The following PTGER3 variants were observed in gnomAD, a reference collection of about 807,000 sequenced individuals.
PTGER3 encodes prostaglandin E2 receptor EP3 subtype.
Under a neutral mutation model 34.7 loss-of-function variants are expected in PTGER3, and 22 were observed. The observed-to-expected ratio is 0.63, with a 90% confidence interval of 0.45 to 0.91. The LOEUF is 0.91. Ranked by LOEUF, PTGER3 falls within the 40% of genes least tolerant of loss-of-function variation. PTGER3 has a pLI of 0.00. For missense variants in PTGER3, 468 were observed against 519.4 expected, an observed-to-expected ratio of 0.90 and a Z score of 0.96; for synonymous variants, 241 against 230.1, an observed-to-expected ratio of 1.05 and a Z score of -0.43.
intron 4 of PTGER3, among the ~76,000 whole-genome samples, chr1:70,910,198 C>T (rs1022956371): frequency 4.6e-5 from 7 of 152,220 alleles, no homozygotes; most frequent in Admixed American, 4.6e-4. Context: ...CAGTTTTACT[C>T]CAAAAGAAAA....
At chr1:70,940,145 G>A (rs1466119663) in intron 4 of PTGER3, among the ~76,000 whole-genome samples, 1 of 152,054 alleles carries the variant, frequency 6.6e-6, no homozygotes, top group Non-Finnish European at 1.5e-5. Flanking sequence ...AAATCCCTAG[G>A]GCAGGGGCAA....
In PTGER3 at chr1:71,047,431, C is replaced by T. The variant is rs752029055; in HGVS notation, c.147G>A (p.Ser49=). The T allele has an allele frequency of 3.1e-6, 5 of 1,611,314 alleles. No individual in the cohort carries two copies. The highest frequency in any genetic ancestry group is 4.2e-6 in the Non-Finnish European group (5 of 1,179,638). ...RPPGSGEDCG[S]VSVAFPITML... ...TGGTGATCGGGAAGGCCACGGACAC[C>T]GATCCGCAATCCTCGCCAGACCCTG... is the stretch of plus-strand genomic sequence containing the variant. Residue 49 remains serine (S), a synonymous_variant, in exon 1 of 4, where the codon TCG becomes TCA. Transcript: ENST00000306666.
intron 4 of PTGER3, among the ~76,000 whole-genome samples, chr1:70,891,028 G>A (rs1193945434): frequency 2.0e-5 from 3 of 152,210 alleles, no homozygotes; most frequent in East Asian, 1.9e-4. Flanking sequence ...TTTACTCAAC[G>A]TGCAAAACTC....
intron 4 of PTGER3, among the ~76,000 whole-genome samples, chr1:70,943,158 A>G (rs1234670382): frequency 2.0e-5 from 3 of 152,108 alleles, no homozygotes; most frequent in Non-Finnish European, 4.4e-5. Context: ...AGGGAAAGTG[A>G]CTCTGTCTAC....
intron 4 of PTGER3, among the ~76,000 whole-genome samples, chr1:70,904,846 T>C (rs1012679733): frequency 2.0e-5 from 3 of 152,112 alleles, no homozygotes; most frequent in African/African-American, 7.2e-5. Flanking sequence ...TTTGTATAAG[T>C]AGTGAGGAGT....
At chr1:71,012,946 T>C (rs1029250942) in intron 1 of PTGER3, among the ~76,000 whole-genome samples, 1 of 152,002 alleles carries the variant, frequency 6.6e-6, no homozygotes, top group East Asian at 1.9e-4. Flanking sequence ...ATTATTATTA[T>C]TATTGCCACT....
intron 2 of PTGER3, among the ~76,000 whole-genome samples, chr1:70,993,371 T>C (rs1232524549): frequency 6.6e-6 from 1 of 152,224 alleles, no homozygotes; most frequent in African/African-American, 2.4e-5. Flanking sequence ...GTCTGTGCGA[T>C]AGAGCTTATG....
intron 4 of PTGER3, among the ~76,000 whole-genome samples, chr1:70,905,964 G>A (rs10889899): frequency 6.6e-6 from 1 of 151,886 alleles, no homozygotes; most frequent in Non-Finnish European, 1.5e-5. Context: ...CTGGTGGGAG[G>A]TGATTGAATT....
intron 4 of PTGER3, among the ~76,000 whole-genome samples, chr1:70,946,276 A>C (rs1456281533): frequency 6.6e-6 from 1 of 152,094 alleles, no homozygotes; most frequent in Non-Finnish European, 1.5e-5. Context: ...GCCAGGCCCC[A>C]TTTGAAGCCT....
At chr1:70,903,388 G>T (rs2100348007) in intron 4 of PTGER3, among the ~76,000 whole-genome samples, 1 of 152,292 alleles carries the variant, frequency 6.6e-6, no homozygotes, top group East Asian at 1.9e-4. Context: ...TTATAAGTGA[G>T]ATAGTAATGA....
chr1:70,868,163 T>G (rs1646084492), intron 4 of PTGER3, among the ~76,000 whole-genome samples: 1 of 151,934 alleles, frequency 6.6e-6, no homozygotes, highest in Admixed American at 6.6e-5. Flanking sequence ...CCAGTCCCGT[T>G]TTTCCTATCA....
At chr1:71,042,772 T>C (rs75744926) in intron 1 of PTGER3, among the ~76,000 whole-genome samples, 108 of 152,282 alleles carry the variant, frequency 7.1e-4, no homozygotes, top group Non-Finnish European at 1.3e-3. Context: ...AGTGACTCCT[T>C]AACTAAAATG....
chr1:70,891,875 C>G (rs1646625250), intron 4 of PTGER3, among the ~76,000 whole-genome samples: 1 of 152,074 alleles, frequency 6.6e-6, no homozygotes, highest in African/African-American at 2.4e-5. Context: ...TATGGAAAAC[C>G]ATGTATGAGA....
At chr1:71,026,674 A>G (rs1658953260) in intron 1 of PTGER3, among the ~76,000 whole-genome samples, 1 of 151,364 alleles carries the variant, frequency 6.6e-6, no homozygotes, top group African/African-American at 2.4e-5. Flanking sequence ...TTAATACTAT[A>G]TTATTATTTA....
At chr1:70,968,358 TAA>T (rs1161095719), downstream of PTGER3, among the ~76,000 whole-genome samples, 1 of 152,206 alleles carries the variant, frequency 6.6e-6, no homozygotes, top group African/African-American at 2.4e-5. Context: ...ATAATTAAAA[TAA>T]AACTGTAGAT....
chr1:70,933,133 G>C (rs1648881844), intron 4 of PTGER3, among the ~76,000 whole-genome samples: 1 of 152,048 alleles, frequency 6.6e-6, no homozygotes, highest in Non-Finnish European at 1.5e-5. Context: ...TTACTTATTT[G>C]TGTAAAGTAA....
intron 2 of PTGER3, among the ~76,000 whole-genome samples, chr1:70,979,227 T>C (rs1249712916): frequency 6.6e-6 from 1 of 152,022 alleles, no homozygotes; most frequent in Non-Finnish European, 1.5e-5. Flanking sequence ...CTATGTGGTG[T>C]TTGAATGAAT....
At chr1:70,860,953 A>T (rs1405632560) in intron 4 of PTGER3, among the ~76,000 whole-genome samples, 1 of 152,220 alleles carries the variant, frequency 6.6e-6, no homozygotes, top group East Asian at 1.9e-4. Context: ...ACAATTCTAC[A>T]AAGAATACTA....
chr1:70,938,396 T>C (rs1234398627), intron 4 of PTGER3, among the ~76,000 whole-genome samples: 2 of 152,094 alleles, frequency 1.3e-5, no homozygotes, highest in Admixed American at 1.3e-4. Flanking sequence ...TGGTTCTCAC[T>C]GAAAAAGAAT....
Sources: allele counts gnomAD v4.1 joint callset (sites outside exome capture counted in the v4.1 genomes callset), GRCh38; gene constraint gnomAD v4.1.1; transcripts MANE v1.5; gene names NCBI Gene and HGNC (gene_info 2026-07-23, HGNC 2026-07-21).